AP3B1: variants seen among roughly 807,000 people sequenced by gnomAD.
AP3B1 encodes adaptor related protein complex 3 subunit beta 1.
AP3B1 carries 61 observed loss-of-function variants against 132.5 expected under a neutral mutation model. The observed-to-expected ratio is 0.46, with a 90% CI of 0.37 to 0.57. The LOEUF (loss-of-function observed/expected upper bound fraction) is 0.57, where lower values mean the gene tolerates loss of function less well. AP3B1 is among the 20% of genes least tolerant of loss of function. The pLI is 0.00. For synonymous variants in AP3B1, 388 were observed against 438.3 expected, an observed-to-expected ratio of 0.89 and a Z score of 1.43; for missense variants, 1,120 against 1,289.4, an observed-to-expected ratio of 0.87 and a Z score of 2.01.
chr5:78,259,520 G>T (rs779788078), intron 2 of AP3B1, among the ~76,000 whole-genome samples: 1 of 152,154 alleles, frequency 6.6e-6, no homozygotes, highest in Non-Finnish European at 1.5e-5. Flanking sequence ...CTTAAAGAGT[G>T]TAATTGAATT....
chr5:78,170,891 T>C (rs147832345), intron 11 of AP3B1, among the ~76,000 whole-genome samples: 2,258 of 152,290 alleles, frequency 0.015, 59 homozygotes, highest in African/African-American at 0.051. Flanking sequence ...CTTTAATCCA[T>C]CTTGAATTAA....
At chr5:78,139,434 A>G (rs1044746694) in intron 15 of AP3B1, among the ~76,000 whole-genome samples, 3 of 152,212 alleles carry the variant, frequency 2.0e-5, no homozygotes, top group Non-Finnish European at 2.9e-5. Flanking sequence ...CTCAGTTTTT[A>G]GAAAGCATCT....
intron 24 of AP3B1, among the ~76,000 whole-genome samples, chr5:78,033,612 A>G (rs1747671631): frequency 6.6e-6 from 1 of 152,072 alleles, no homozygotes; most frequent in South Asian, 2.1e-4. Flanking sequence ...AAAACAAAGA[A>G]ACTTCAACTC....
rs371944529 is a variant in AP3B1, at chr5:78,134,108, G to A, written c.1651-4801C>T. On this transcript the variant is annotated intron_variant, in intron 15 of 26. Coordinates refer to ENST00000255194, the MANE Select transcript of AP3B1 (RefSeq NM_003664.5). The stretch of plus-strand genomic sequence containing the variant: ...GGAGCTTGCAGTGAGCCGAGATCGC[G>A]CCACTGCACTGCAGCCCGGGCGACA... 6.6e-5 allele frequency among the ~76,000 whole-genome samples: 9 copies of A among 136,824 alleles called. No homozygotes were observed. The East Asian group carries it at 1.7e-3, about 25-fold the overall frequency. 89.8% of individuals were successfully genotyped at this position (136,824 alleles called of 152,430 possible).
At chr5:78,264,464 T>C (rs1338362861) in intron 2 of AP3B1, among the ~76,000 whole-genome samples, 2 of 152,198 alleles carry the variant, frequency 1.3e-5, no homozygotes, top group Non-Finnish European at 2.9e-5. Flanking sequence ...TTATTTTGTA[T>C]TCCAGAGACT....
intron 8 of AP3B1, 151 bp downstream of exon 8, chr5:78,181,356 C>A: frequency 1.4e-6 from 1 of 716,540 alleles, no homozygotes; most frequent in Non-Finnish European, 2.3e-6. Flanking sequence ...ACATTCCACA[C>A]TGTACTTCCA....
chr5:78,272,516 C>T (rs1016997886), intron 1 of AP3B1, among the ~76,000 whole-genome samples: 7 of 152,168 alleles, frequency 4.6e-5, no homozygotes, highest in African/African-American at 1.7e-4. Context: ...CCATTCGCAT[C>T]TGTGACACAG....
chr5:78,031,134 C>T (rs1262824310), intron 24 of AP3B1, among the ~76,000 whole-genome samples: 1 of 152,128 alleles, frequency 6.6e-6, no homozygotes, highest in Non-Finnish European at 1.5e-5. Context: ...ATTTCCTTGA[C>T]CCTTTCTTCC....
chr5:78,159,616 C>T lies in AP3B1; in HGVS notation c.1363+3203G>A, dbSNP rs1014379288. Among the ~76,000 whole-genome samples the T allele has an allele frequency of 2.6e-5, 4 of 152,164 alleles. No homozygotes were observed. In the East Asian group the frequency reaches 5.8e-4, roughly 22 times the overall value. On this transcript the variant is annotated intron_variant, in intron 13 of 26. Transcript: ENST00000255194. Reference sequence around the variant, plus strand: ...TGCGTCTCTCTTTCCCTTATAAAGACCCACATGATAACATTAGGTCTAACC... The same window carrying T: ...TGCGTCTCTCTTTCCCTTATAAAGATCCACATGATAACATTAGGTCTAACC...
chr5:78,013,830 C>A (rs995319602), intron 26 of AP3B1, among the ~76,000 whole-genome samples: 1 of 152,056 alleles, frequency 6.6e-6, no homozygotes, highest in Non-Finnish European at 1.5e-5. Flanking sequence ...CTTATTTTAT[C>A]ACCATCCTAT....
chr5:78,212,612 T>C (rs893486659), intron 7 of AP3B1, among the ~76,000 whole-genome samples: 2 of 152,102 alleles, frequency 1.3e-5, no homozygotes, highest in Non-Finnish European at 2.9e-5. Flanking sequence ...GTGAAGACAT[T>C]TCTACTTGGA....
intron 21 of AP3B1, among the ~76,000 whole-genome samples, chr5:78,093,992 C>G (rs911838188): frequency 6.6e-6 from 1 of 152,206 alleles, no homozygotes; most frequent in African/African-American, 2.4e-5. Flanking sequence ...AAAATTCACT[C>G]AACAATGTGA....
intron 1 of AP3B1, 71 bp downstream of exon 1, chr5:78,294,381 A>G: frequency 6.2e-7 from 1 of 1,609,108 alleles, no homozygotes; most frequent in Non-Finnish European, 8.5e-7. Flanking sequence ...CAGGAAGCCC[A>G]CCCTGGCGCC....
chr5:78,111,950 T>C (rs562583542), intron 19 of AP3B1, among the ~76,000 whole-genome samples: 2 of 152,314 alleles, frequency 1.3e-5, no homozygotes, highest in East Asian at 3.9e-4. Context: ...CTCAAGCCTG[T>C]CTCATTCCAA....
chr5:78,292,786 G>C (rs779813933), intron 1 of AP3B1, among the ~76,000 whole-genome samples: 2 of 151,288 alleles, frequency 1.3e-5, no homozygotes, highest in Non-Finnish European at 2.9e-5. Context: ...CAACCTGTTA[G>C]GTCACCTCAA....
chr5:78,049,715 T>G (rs998839841), intron 22 of AP3B1, among the ~76,000 whole-genome samples: 2 of 152,220 alleles, frequency 1.3e-5, no homozygotes, highest in African/African-American at 4.8e-5. Context: ...AACAGCCTCC[T>G]AATTGGTTTC....
intron 11 of AP3B1, among the ~76,000 whole-genome samples, chr5:78,175,252 T>C (rs1452996128): frequency 6.6e-6 from 1 of 152,232 alleles, no homozygotes; most frequent in East Asian, 1.9e-4. Context: ...CCCAGTGAGA[T>C]GAACCAGGTA....
chr5:78,191,887 T>A (rs1250025401), intron 7 of AP3B1, among the ~76,000 whole-genome samples: 3 of 152,124 alleles, frequency 2.0e-5, no homozygotes, highest in Non-Finnish European at 4.4e-5. Context: ...GCAGTATATG[T>A]TTCGCTCTTA....
At chr5:78,041,788 A>G (rs1580272449) in intron 22 of AP3B1, 1 of 152,958 alleles carries the variant, frequency 6.5e-6, no homozygotes, top group Middle Eastern at 3.3e-3. Context: ...AATAAAAACT[A>G]TTTTCAAAAC....
Sources: gnomAD v4.1 joint callset for allele counts (sites outside exome capture counted in the v4.1 genomes callset) on GRCh38, gnomAD v4.1.1 for gene constraint, MANE v1.5 for transcripts, NCBI Gene and HGNC (gene_info 2026-07-23, HGNC 2026-07-21) for gene names.